Variants in RGS6 observed in about 807,000 individuals in gnomAD.
The protein encoded by RGS6 is regulator of G-protein signaling 6.
RGS6 carries 30 observed loss-of-function variants against 78.5 expected under a neutral mutation model. The ratio of observed to expected loss-of-function variants is 0.38; its 90% CI spans 0.29 to 0.52. The LOEUF is 0.52. RGS6 is among the 20% of genes least tolerant of loss of function. The pLI, the probability that RGS6 is intolerant of heterozygous loss-of-function variation, is 0.85. For missense variants in RGS6, 495 were observed against 609.7 expected, an observed-to-expected ratio of 0.81 and a Z score of 1.98; for synonymous variants, 206 against 206.0, an observed-to-expected ratio of 1.00 and a Z score of 0.00.
intron 2 of RGS6, chr14:71,990,463 C>T (rs2094906830): frequency 2.7e-6 from 1 of 377,316 alleles, no homozygotes; most frequent in Non-Finnish European, 5.3e-6. Context: ...TCCTTTGGGA[C>T]ATGGGAATAT....
intron 2 of RGS6, among the ~76,000 whole-genome samples, chr14:72,049,869 A>G (rs1328678508): frequency 6.6e-6 from 1 of 152,172 alleles, no homozygotes; most frequent in Non-Finnish European, 1.5e-5. Context: ...TGCTGTATCA[A>G]AAGCAATTTA....
chr14:72,528,074 T>G (rs1248191756), intron 15 of RGS6, among the ~76,000 whole-genome samples: 2 of 152,170 alleles, frequency 1.3e-5, no homozygotes, highest in Admixed American at 1.3e-4. Flanking sequence ...AGGGTCTTCT[T>G]GAGGAGTTCA....
At chr14:72,395,249 T>C (rs2090940331) in intron 3 of RGS6, among the ~76,000 whole-genome samples, 1 of 152,198 alleles carries the variant, frequency 6.6e-6, no homozygotes, top group African/African-American at 2.4e-5. Flanking sequence ...AAATCTCACC[T>C]TCCAGAAATA....
intron 17 of RGS6, among the ~76,000 whole-genome samples, chr14:72,561,747 G>A (rs2097679117): frequency 6.6e-6 from 1 of 152,172 alleles, no homozygotes; most frequent in African/African-American, 2.4e-5. Context: ...TCCTGGTATG[G>A]GGTCATCAAA....
intron 7 of RGS6, chr14:72,469,741 T>C (rs1700823711): frequency 3.1e-6 from 1 of 324,216 alleles, no homozygotes; most frequent in Non-Finnish European, 5.6e-6. Flanking sequence ...AGTTGCATTC[T>C]TGTAAAACAC....
intron 2 of RGS6, among the ~76,000 whole-genome samples, chr14:72,000,197 G>GC (rs1286737636): frequency 1.6e-4 from 24 of 152,196 alleles, no homozygotes; most frequent in African/African-American, 5.8e-4. Flanking sequence ...GATACAGCCA[G>GC]CAAGAATTCG....
chr14:72,304,212 G>A (rs576155951), intron 2 of RGS6, among the ~76,000 whole-genome samples: 1 of 152,216 alleles, frequency 6.6e-6, no homozygotes, highest in Non-Finnish European at 1.5e-5. Flanking sequence ...GCAAGTGTAT[G>A]TGACTAGTAA....
chr14:72,530,299 C>T (rs576259755), intron 15 of RGS6, among the ~76,000 whole-genome samples: 6 of 152,316 alleles, frequency 3.9e-5, no homozygotes, highest in African/African-American at 1.2e-4. Flanking sequence ...TCAGGAGCCA[C>T]CTGGCTCTGT....
intron 6 of RGS6, among the ~76,000 whole-genome samples, chr14:72,464,988 G>A (rs1185815409): frequency 6.6e-6 from 1 of 152,186 alleles, no homozygotes; most frequent in African/African-American, 2.4e-5. Context: ...TAGTTCCATG[G>A]TCAAGGACAT....
chr14:72,215,074 G>A (rs540995837), intron 2 of RGS6, among the ~76,000 whole-genome samples: 1 of 152,308 alleles, frequency 6.6e-6, no homozygotes, highest in East Asian at 1.9e-4. Context: ...ACACAGACCA[G>A]AAAACAGTCC....
intron 2 of RGS6, among the ~76,000 whole-genome samples, chr14:71,985,516 C>G (rs1052149820): frequency 3.3e-5 from 5 of 152,134 alleles, no homozygotes; most frequent in African/African-American, 1.2e-4. Flanking sequence ...TAAAAAATTC[C>G]TAGGTCAAAA....
At chr14:72,493,911 C>T (rs4903028) in intron 12 of RGS6, among the ~76,000 whole-genome samples, 6 of 152,042 alleles carry the variant, frequency 3.9e-5, no homozygotes, top group Non-Finnish European at 8.8e-5. Context: ...TCCTTTATTA[C>T]GAAACTACTA....
At chr14:72,515,419 A>C (rs1258989308) in intron 14 of RGS6, among the ~76,000 whole-genome samples, 17 of 152,244 alleles carry the variant, frequency 1.1e-4, no homozygotes, top group Non-Finnish European at 7.3e-5. Context: ...TCATCCCAGC[A>C]CTTTGGGAGG....
chr14:72,561,236 C>T (rs200300660), intron 17 of RGS6, among the ~76,000 whole-genome samples: 1 of 152,202 alleles, frequency 6.6e-6, no homozygotes, highest in East Asian at 1.9e-4. Flanking sequence ...CGAGCCCTCA[C>T]ACCCCACTTG....
chr14:72,126,746 T>G (rs934891115), intron 2 of RGS6, among the ~76,000 whole-genome samples: 15 of 152,234 alleles, frequency 9.9e-5, no homozygotes, highest in Non-Finnish European at 2.2e-4. Context: ...GAGGCTGTTT[T>G]AACTGGGAGG....
At chr14:72,575,203 G>A in the RGS6 span, among the ~76,000 whole-genome samples, 1 of 152,226 alleles carries the variant, frequency 6.6e-6, no homozygotes, top group East Asian at 1.9e-4. Context: ...GAGCAATTGT[G>A]AAGTATCTGG....
intron 2 of RGS6, among the ~76,000 whole-genome samples, chr14:72,319,070 A>G (rs941748092): frequency 6.6e-6 from 1 of 152,238 alleles, no homozygotes; most frequent in Non-Finnish European, 1.5e-5. Flanking sequence ...AGTAACAATA[A>G]AAAGGAACCA....
At chr14:72,423,683 G>A (rs1303425180) in intron 3 of RGS6, among the ~76,000 whole-genome samples, 1 of 151,984 alleles carries the variant, frequency 6.6e-6, no homozygotes, top group Non-Finnish European at 1.5e-5. Flanking sequence ...GGGGTAGGGT[G>A]GGAGGGGGAC....
At chr14:71,947,109 G>A (rs955515626) in intron 1 of RGS6, among the ~76,000 whole-genome samples, 1 of 152,110 alleles carries the variant, frequency 6.6e-6, no homozygotes, top group African/African-American at 2.4e-5. Context: ...TACAGTTAGT[G>A]TACAATTCTT....
Sources: allele counts gnomAD v4.1 joint callset (sites outside exome capture counted in the v4.1 genomes callset), GRCh38; gene constraint gnomAD v4.1.1; transcripts MANE v1.5; gene names NCBI Gene and HGNC (gene_info 2026-07-23, HGNC 2026-07-21).